Variants in RTL4 observed in about 807,000 individuals in gnomAD.
RTL4 encodes retrotransposon Gag like 4.
RTL4 carries 4 observed loss-of-function variants against 5.3 expected under a neutral mutation model. The observed-to-expected ratio is 0.75, with a 90% CI of 0.37 to 1.72. The LOEUF is 1.72. Ranked by LOEUF, RTL4 falls within the 40% of genes most tolerant of loss-of-function variation. RTL4 has a pLI of 0.04. For synonymous variants in RTL4, 98 were observed against 87.3 expected, an observed-to-expected ratio of 1.12 and a Z score of -0.68; for missense variants, 260 against 227.1, an observed-to-expected ratio of 1.14 and a Z score of -0.93.
At chrX:112,437,296 A>C in the RTL4 span, among the ~76,000 whole-genome samples, 1 of 111,994 alleles carries the variant, frequency 8.9e-6, no homozygotes. Flanking sequence ...ATTAGTTAAG[A>C]ATATAGAGCT....
chrX:112,120,467 G>A, the RTL4 span, among the ~76,000 whole-genome samples: 15 of 110,367 alleles, frequency 1.4e-4, no homozygotes, highest in South Asian at 7.8e-4. Context: ...TAGTAGAGAC[G>A]GGGTTTCACT....
At chrX:112,087,329 C>CTT in the RTL4 span, among the ~76,000 whole-genome samples, 176 of 91,247 alleles carry the variant, frequency 1.9e-3, no homozygotes, top group African/African-American at 6.4e-3. Flanking sequence ...TGGTCTTCAG[C>CTT]TTTTTTTTTT....
the RTL4 span, among the ~76,000 whole-genome samples, chrX:112,221,706 C>T: frequency 1.8e-5 from 2 of 112,540 alleles, no homozygotes; most frequent in Admixed American, 1.9e-4. Flanking sequence ...ATCACGTAAA[C>T]TGAGAATGAT....
the RTL4 span, among the ~76,000 whole-genome samples, chrX:112,311,304 G>T: frequency 2.7e-5 from 3 of 110,686 alleles, no homozygotes; most frequent in Non-Finnish European, 5.7e-5. Flanking sequence ...TTGGGGAAAA[G>T]ATTGCCCTTT....
chrX:112,126,442 T>C, the RTL4 span, among the ~76,000 whole-genome samples: 1 of 112,133 alleles, frequency 8.9e-6, no homozygotes, highest in African/African-American at 3.2e-5. Context: ...AGAGGAATAT[T>C]TGTAGCTGTA....
chrX:112,117,726 G>T, the RTL4 span, among the ~76,000 whole-genome samples: 1 of 111,280 alleles, frequency 9.0e-6, no homozygotes, highest in Non-Finnish European at 1.9e-5. Flanking sequence ...ACAATTAGTG[G>T]GTAATAAAGT....
At chrX:112,090,809 T>G in the RTL4 span, among the ~76,000 whole-genome samples, 1 of 111,146 alleles carries the variant, frequency 9.0e-6, no homozygotes, top group East Asian at 2.8e-4. Context: ...TTTTAGAAGA[T>G]TTAGACAAGA....
chrX:112,307,323 G>A, the RTL4 span, among the ~76,000 whole-genome samples: 3 of 111,719 alleles, frequency 2.7e-5, no homozygotes, highest in Non-Finnish European at 3.8e-5. Context: ...ACTTGTCCAA[G>A]TCACCTAACC....
At chrX:112,123,162 A>G in the RTL4 span, among the ~76,000 whole-genome samples, 1 of 112,038 alleles carries the variant, frequency 8.9e-6, no homozygotes, top group African/African-American at 3.2e-5. Context: ...AATATTATCC[A>G]ACCAAATCAG....
the RTL4 span, among the ~76,000 whole-genome samples, chrX:112,307,161 A>G: frequency 8.9e-6 from 1 of 112,215 alleles, no homozygotes; most frequent in African/African-American, 3.2e-5. Flanking sequence ...CAAAGAGCTG[A>G]TAATAGCTAA....
the RTL4 span, among the ~76,000 whole-genome samples, chrX:112,399,372 G>A: frequency 3.5e-4 from 39 of 110,898 alleles, no homozygotes; most frequent in African/African-American, 1.1e-3. Context: ...GTGTGTGTTT[G>A]CTCTTTTTTT....
At chrX:112,247,413 G>A in the RTL4 span, among the ~76,000 whole-genome samples, 1 of 111,741 alleles carries the variant, frequency 8.9e-6, no homozygotes, top group Non-Finnish European at 1.9e-5. Context: ...CCAGTCCTTG[G>A]TAAGTGGTTT....
At chrX:112,261,137 C>T in the RTL4 span, among the ~76,000 whole-genome samples, 1 of 111,471 alleles carries the variant, frequency 9.0e-6, no homozygotes, top group African/African-American at 3.3e-5. Context: ...GCTCTGCTCT[C>T]AAGGCAGACT....
the RTL4 span, among the ~76,000 whole-genome samples, chrX:112,383,099 TATTA>T: frequency 8.9e-6 from 1 of 112,224 alleles, no homozygotes; most frequent in Non-Finnish European, 1.9e-5. Context: ...TTAGGTCATT[TATTA>T]ATTTTCTTAC....
At chrX:112,270,631 T>C in the RTL4 span, among the ~76,000 whole-genome samples, 3 of 111,157 alleles carry the variant, frequency 2.7e-5, no homozygotes, top group East Asian at 8.6e-4. Flanking sequence ...GTCTTTTCAG[T>C]GCCTAGTCTC....
chrX:112,112,326 G>T, the RTL4 span, among the ~76,000 whole-genome samples: 5 of 111,749 alleles, frequency 4.5e-5, no homozygotes, highest in Middle Eastern at 4.7e-3. Context: ...TTCTGCCTCT[G>T]GTTGTCATTC....
the RTL4 span, among the ~76,000 whole-genome samples, chrX:112,300,606 A>G: frequency 8.9e-6 from 1 of 112,617 alleles, no homozygotes; most frequent in Non-Finnish European, 1.9e-5. Context: ...AAGGTTCTCT[A>G]CATGGTTGGA....
the RTL4 span, among the ~76,000 whole-genome samples, chrX:112,356,695 G>T: frequency 3.6e-5 from 4 of 110,107 alleles, no homozygotes; most frequent in Non-Finnish European, 7.6e-5. Context: ...ATGCTTCTCA[G>T]CTTTCCTATA....
the RTL4 span, among the ~76,000 whole-genome samples, chrX:112,092,863 C>A: frequency 9.0e-6 from 1 of 111,559 alleles, no homozygotes; most frequent in Non-Finnish European, 1.9e-5. Flanking sequence ...GCCTCCCCAG[C>A]CAGGTGGAAC....
Sources: allele counts gnomAD v4.1 joint callset (sites outside exome capture counted in the v4.1 genomes callset), GRCh38; gene constraint gnomAD v4.1.1; transcripts MANE v1.5; gene names NCBI Gene and HGNC (gene_info 2026-07-23, HGNC 2026-07-21).